Variants in CCND3 observed in about 807,000 individuals in gnomAD.
CCND3 encodes cyclin D3.
CCND3 carries 9 observed loss-of-function variants against 28.7 expected under a neutral mutation model. That is an observed-to-expected ratio of 0.31 (90% CI 0.19 to 0.55). The LOEUF (loss-of-function observed/expected upper bound fraction) is 0.55, where lower values mean the gene tolerates loss of function less well. Among genes scored for constraint, CCND3 ranks in the 20% least tolerant of loss-of-function variants. CCND3 has a pLI of 0.93. For synonymous variants in CCND3, 164 were observed against 163.9 expected (o/e 1.00, Z 0.00); for missense variants, 315 against 385.8 (o/e 0.82, Z 1.54).
chr6:42,039,550 C>T, intron 1 of CCND3, among the ~76,000 whole-genome samples: 1 of 152,224 alleles, frequency 6.6e-6, no homozygotes, highest in Non-Finnish European at 1.5e-5. Flanking sequence ...GACTTACGCT[C>T]TCAGCTGCTG....
chr6:42,042,313 G>T (rs1286473738), intron 1 of CCND3, among the ~76,000 whole-genome samples: 1 of 151,928 alleles, frequency 6.6e-6, no homozygotes, highest in Non-Finnish European at 1.5e-5. Context: ...ACTCAGCAGG[G>T]CTTTGTGTGT....
chr6:42,000,854 C>G (rs927311803), intron 1 of CCND3, among the ~76,000 whole-genome samples: 4 of 151,876 alleles, frequency 2.6e-5, no homozygotes, highest in Non-Finnish European at 5.9e-5. Context: ...GGCATGCCAC[C>G]ACGCCTGGCC....
At chr6:41,952,564 G>A (rs1319589169) in intron 1 of CCND3, among the ~76,000 whole-genome samples, 2 of 152,228 alleles carry the variant, frequency 1.3e-5, no homozygotes, top group Non-Finnish European at 2.9e-5. Flanking sequence ...AGTACTTCCA[G>A]CCTTTTTGTG....
intron 1 of CCND3, among the ~76,000 whole-genome samples, chr6:42,040,892 C>T (rs62415891): frequency 6.6e-6 from 1 of 151,598 alleles, no homozygotes; most frequent in South Asian, 2.1e-4. Context: ...AAAAAAAAAC[C>T]TCATAGAATA....
At chr6:41,952,134 A>G (rs1776333746) in intron 1 of CCND3, among the ~76,000 whole-genome samples, 2 of 152,150 alleles carry the variant, frequency 1.3e-5, no homozygotes, top group Admixed American at 6.6e-5. Context: ...TGTGAGGTAG[A>G]GGTGCTATTA....
chr6:41,954,017 A>T (rs1314403791), intron 1 of CCND3, among the ~76,000 whole-genome samples: 1 of 150,818 alleles, frequency 6.6e-6, no homozygotes, highest in Admixed American at 6.6e-5. Context: ...TTGGGAGGCC[A>T]AGGCTGGTGG....
In CCND3 at chr6:42,011,570, A is replaced by C. The variant is rs78476510; in HGVS notation, c.-46+36931T>G. ...TGACATAATGGGCCCTAACTGGAGAAACTCAGGCATGGTGTGAGATACAAA... is the reference window on the plus strand; with the variant it reads ...TGACATAATGGGCCCTAACTGGAGACACTCAGGCATGGTGTGAGATACAAA... On this transcript the variant is annotated intron_variant, in intron 1 of 4. Transcript: ENST00000372988. Among the ~76,000 whole-genome samples, 177 of 152,278 alleles carry C rather than the reference A, an allele frequency of 1.2e-3. 2 individuals are homozygous for C. In the East Asian group the frequency reaches 0.031, roughly 27 times the overall value.
At chr6:41,950,852 G>T (rs958424176) in intron 1 of CCND3, among the ~76,000 whole-genome samples, 3 of 151,880 alleles carry the variant, frequency 2.0e-5, no homozygotes, top group African/African-American at 7.2e-5. Flanking sequence ...GGGACTACAG[G>T]CGCCCCCCAC....
intron 1 of CCND3, among the ~76,000 whole-genome samples, chr6:42,033,681 C>T (rs1357998560): frequency 6.7e-6 from 1 of 149,962 alleles, no homozygotes; most frequent in Non-Finnish European, 1.5e-5. Flanking sequence ...AACCCCGTCT[C>T]TACTAAAAAT....
upstream of CCND3, among the ~76,000 whole-genome samples, chr6:42,049,151 T>A (rs1764648359): frequency 1.3e-5 from 2 of 152,230 alleles, no homozygotes; most frequent in Admixed American, 1.3e-4. Flanking sequence ...TTCTCCTGCC[T>A]CAGCCTCCCG....
intron 1 of CCND3, among the ~76,000 whole-genome samples, chr6:42,007,728 G>A (rs994337950): frequency 6.6e-5 from 10 of 152,190 alleles, no homozygotes; most frequent in African/African-American, 1.9e-4. Context: ...CATGTGCTGC[G>A]AGAGCCAGAA....
intron 1 of CCND3, among the ~76,000 whole-genome samples, chr6:41,971,963 C>T (rs866737408): frequency 6.0e-5 from 9 of 150,608 alleles, no homozygotes; most frequent in Admixed American, 2.7e-4. Context: ...CAGTGGCTCA[C>T]GCCTGTAATC....
In CCND3 at chr6:42,048,120, G is replaced by A. The variant is rs987285609; in HGVS notation, c.-46+381C>T. On this transcript the variant is annotated intron_variant, in intron 1 of 4. Transcript: ENST00000372988. The surrounding 1 kb of genome is among the most constrained non-coding windows in gnomAD (Gnocchi z 4.7). ...CACCACTGAGGGGTCCCTCCCTCCA[G>A]TTTCATCCCGGTGCACTTGCCAGAG... 1.7e-5 allele frequency: 3 copies of A among 172,256 alleles called. No individual in the cohort carries two copies. The highest frequency in any genetic ancestry group is 7.2e-5 in the African/African-American group (3 of 41,564). 10.7% of individuals were successfully genotyped at this position (172,256 alleles called of 1,614,324 possible). A position where few individuals can be genotyped will look rare whatever the true frequency, so the allele number is the denominator to read the frequency against.
At chr6:41,976,378 G>A (rs980988114) in intron 1 of CCND3, among the ~76,000 whole-genome samples, 1 of 151,956 alleles carries the variant, frequency 6.6e-6, no homozygotes, top group African/African-American at 2.4e-5. Flanking sequence ...TTAGCTGGGT[G>A]TGATAACACA....
chr6:41,965,495 G>T lies in CCND3; in HGVS notation c.-45-24910C>A, dbSNP rs528836850. 7.9e-5 allele frequency among the ~76,000 whole-genome samples: 12 copies of T among 152,290 alleles called. No homozygotes were observed. In the South Asian group the frequency reaches 2.3e-3, roughly 29 times the overall value. On this transcript the variant is annotated intron_variant, in intron 1 of 4. Transcript: ENST00000372988. ...GATGCCTTGAGTCAGGACCTCAGGA[G>T]TGCACGCCTCTGGAAGTCCTTAGCA...
rs573881635 is a variant in CCND3, at chr6:41,950,722, T to A, written c.-45-10137A>T. ...ACTCCCTTTTTTTTTTCTTTTTTTT[T>A]TTTTGAGATGGAGTCTCTCTCTGTC... is the stretch of plus-strand genomic sequence containing the variant. On this transcript the variant is annotated intron_variant, in intron 1 of 4. Coordinates refer to the CCND3 transcript ENST00000372988. 2.7e-3 allele frequency among the ~76,000 whole-genome samples: 403 copies of A among 151,040 alleles called. 2 individuals are homozygous for A. Among genetic ancestry groups the A allele is most frequent in the African/African-American group, 9.0e-3 (371 of 41,160 alleles).
intron 1 of CCND3, among the ~76,000 whole-genome samples, chr6:41,987,257 T>G (rs1297752976): frequency 6.6e-6 from 1 of 152,044 alleles, no homozygotes; most frequent in East Asian, 1.9e-4. Flanking sequence ...CCTGTAACAT[T>G]GGCTCCAAAG....
chr6:41,937,576 T>G (rs1775850236), intron 2 of CCND3, 182 bp from the exon 3 acceptor site: 1 of 645,920 alleles, frequency 1.5e-6, no homozygotes, highest in Non-Finnish European at 2.6e-6. Flanking sequence ...GGAGGAGGCA[T>G]GTGCTTTGAG....
intron 1 of CCND3, among the ~76,000 whole-genome samples, chr6:42,042,079 C>T (rs567973992): frequency 6.6e-6 from 1 of 152,304 alleles, no homozygotes; most frequent in South Asian, 2.1e-4. Flanking sequence ...ATATTCTGTC[C>T]AACTGTCTGA....
Sources: allele counts gnomAD v4.1 joint callset (sites outside exome capture counted in the v4.1 genomes callset), GRCh38; gene constraint gnomAD v4.1.1; non-coding constraint Gnocchi (gnomAD v3.1); transcripts MANE v1.5; gene names NCBI Gene and HGNC (gene_info 2026-07-23, HGNC 2026-07-21).